TRIM51G: variants seen among roughly 807,000 people sequenced by gnomAD.
TRIM51G encodes tripartite motif-containing protein 51G.
At chr11:48,977,392 G>A in the TRIM51G span, among the ~76,000 whole-genome samples, 4 of 151,972 alleles carry the variant, frequency 2.6e-5, no homozygotes, top group Admixed American at 1.3e-4. Context: ...GAATTTATTC[G>A]GATCTTTCTT....
At chr11:48,979,585 C>A in the TRIM51G span, among the ~76,000 whole-genome samples, 1 of 152,030 alleles carries the variant, frequency 6.6e-6, no homozygotes, top group South Asian at 2.1e-4. Flanking sequence ...TCACCCTAAT[C>A]GGCTACATGG....
chr11:48,978,857 A>G, the TRIM51G span: 2 of 1,123,242 alleles, frequency 1.8e-6, no homozygotes, highest in Non-Finnish European at 2.7e-6. Flanking sequence ...ATGATAACCC[A>G]TGGTCAGTCC....
the TRIM51G span, among the ~76,000 whole-genome samples, chr11:48,980,650 G>A: frequency 1.3e-5 from 2 of 152,118 alleles, no homozygotes; most frequent in Non-Finnish European, 2.9e-5. Context: ...CCAGTTTCTT[G>A]TATTTGTTGG....
At chr11:48,978,998 C>T in the TRIM51G span, 2 of 1,419,530 alleles carry the variant, frequency 1.4e-6, no homozygotes, top group Admixed American at 1.7e-5. Context: ...TGTCCTCGCC[C>T]TCCTTTTGCA....
the TRIM51G span, among the ~76,000 whole-genome samples, chr11:48,980,385 C>A: frequency 1.4e-4 from 21 of 152,216 alleles, no homozygotes; most frequent in South Asian, 4.1e-3. Context: ...ACATTTCTCA[C>A]CACTTTTCCC....
At chr11:48,981,655 A>G in the TRIM51G span, 128 of 1,598,856 alleles carry the variant, frequency 8.0e-5, no homozygotes, top group South Asian at 6.8e-4. Context: ...GATGGGACAG[A>G]TGAGTTCCCT....
At chr11:48,980,692 G>A in the TRIM51G span, among the ~76,000 whole-genome samples, 1 of 152,252 alleles carries the variant, frequency 6.6e-6, no homozygotes, top group Admixed American at 6.5e-5. Context: ...GGAAACAGAT[G>A]AGCATGCTTG....
chr11:48,983,844 G>A, the TRIM51G span, among the ~76,000 whole-genome samples: 1 of 151,930 alleles, frequency 6.6e-6, no homozygotes, highest in Admixed American at 6.6e-5. Flanking sequence ...ACTTTCCAAG[G>A]TCACCTGAAT....
the TRIM51G span, among the ~76,000 whole-genome samples, chr11:48,982,979 A>G: frequency 9.2e-6 from 1 of 108,128 alleles, no homozygotes; most frequent in Non-Finnish European, 1.9e-5. Context: ...ATATATATAT[A>G]TATATATAGT....
At chr11:48,979,424 A>C in the TRIM51G span, among the ~76,000 whole-genome samples, 2 of 152,188 alleles carry the variant, frequency 1.3e-5, no homozygotes, top group African/African-American at 4.8e-5. Context: ...CTAGGTAAGA[A>C]ACCATTATTT....
the TRIM51G span, chr11:48,980,951 AT>A: frequency 2.0e-6 from 1 of 507,136 alleles, no homozygotes; most frequent in East Asian, 6.0e-5. Flanking sequence ...GGTTTCTGTG[AT>A]TTTCACACAT....
the TRIM51G span, among the ~76,000 whole-genome samples, chr11:48,983,376 A>G: frequency 1.3e-5 from 2 of 151,690 alleles, no homozygotes; most frequent in African/African-American, 4.8e-5. Context: ...TCATGTCTAA[A>G]AGCTTAATGT....
At chr11:48,981,718 C>T in the TRIM51G span, 1 of 1,596,196 alleles carries the variant, frequency 6.3e-7, no homozygotes, top group East Asian at 2.2e-5. Context: ...GAAAGAGCAG[C>T]ATGTCATTTT....
the TRIM51G span, chr11:48,975,823 A>C: frequency 7.1e-7 from 1 of 1,398,878 alleles, no homozygotes; most frequent in Non-Finnish European, 1.0e-6. Context: ...CCCCATGTTA[A>C]ACTCCCAATA....
the TRIM51G span, chr11:48,977,212 C>T: frequency 3.1e-6 from 3 of 980,658 alleles, no homozygotes; most frequent in Non-Finnish European, 4.9e-6. Flanking sequence ...GTTACCATAT[C>T]AACAGCCAAA....
chr11:48,982,156 G>T, the TRIM51G span, among the ~76,000 whole-genome samples: 1 of 152,086 alleles, frequency 6.6e-6, no homozygotes, highest in Non-Finnish European at 1.5e-5. Context: ...GGACCCAGAA[G>T]CCGGCTCTTT....
chr11:48,975,783 A>C, the TRIM51G span: 1 of 1,562,374 alleles, frequency 6.4e-7, no homozygotes, highest in Admixed American at 1.7e-5. Context: ...AATAATTGTT[A>C]CAGACACCAA....
chr11:48,981,957 A>T, the TRIM51G span, among the ~76,000 whole-genome samples: 56 of 152,260 alleles, frequency 3.7e-4, no homozygotes, highest in African/African-American at 1.1e-3. Flanking sequence ...TCTGTTCAAA[A>T]ACCTATTCCC....
chr11:48,978,091 A>C, the TRIM51G span: 4 of 499,138 alleles, frequency 8.0e-6, no homozygotes, highest in Admixed American at 2.2e-5. Flanking sequence ...CCTGCTTGAT[A>C]TTTGTGGAAA....
Sources: gnomAD v4.1 joint callset for allele counts (sites outside exome capture counted in the v4.1 genomes callset) on GRCh38, gnomAD v4.1.1 for gene constraint, MANE v1.5 for transcripts, NCBI Gene and HGNC (gene_info 2026-07-23, HGNC 2026-07-21) for gene names.